PTPRM: variants seen among roughly 807,000 people sequenced by gnomAD.
PTPRM encodes the protein receptor-type tyrosine-protein phosphatase mu.
Under a neutral mutation model 186.7 loss-of-function variants are expected in PTPRM, and 47 were observed. That is an observed-to-expected ratio of 0.25 (90% CI 0.20 to 0.32). The LOEUF (loss-of-function observed/expected upper bound fraction) is 0.32, where lower values mean the gene tolerates loss of function less well. PTPRM is among the 10% of genes least tolerant of loss of function. PTPRM has a pLI of 1.00. For missense variants in PTPRM, 1,494 were observed against 1,865.0 expected, an observed-to-expected ratio of 0.80 and a Z score of 3.66; for synonymous variants, 668 against 674.9, an observed-to-expected ratio of 0.99 and a Z score of 0.16.
intron 7 of PTPRM, among the ~76,000 whole-genome samples, chr18:8,040,244 A>G (rs2086607709): frequency 6.6e-6 from 1 of 152,160 alleles, no homozygotes; most frequent in South Asian, 2.1e-4. Flanking sequence ...ATGTGCAGCC[A>G]AGCATGAAGC....
At chr18:8,246,253 T>G (rs117585640) in intron 15 of PTPRM, among the ~76,000 whole-genome samples, 1 of 152,196 alleles carries the variant, frequency 6.6e-6, no homozygotes, top group Non-Finnish European at 1.5e-5. Context: ...GCATGAGCTC[T>G]TTCAGGGTTG....
chr18:8,150,854 G>A (rs1437599120), intron 14 of PTPRM, among the ~76,000 whole-genome samples: 2 of 152,164 alleles, frequency 1.3e-5, no homozygotes, highest in Non-Finnish European at 2.9e-5. Context: ...ATTCCTTTCT[G>A]TTTGTTAGTT....
At chr18:8,105,472 A>AGAT (rs2091473979) in intron 11 of PTPRM, among the ~76,000 whole-genome samples, 1 of 152,236 alleles carries the variant, frequency 6.6e-6, no homozygotes, top group African/African-American at 2.4e-5. Context: ...TGGCAGAGGA[A>AGAT]GATAATAATA....
chr18:7,837,325 T>G (rs1055042284), intron 2 of PTPRM, among the ~76,000 whole-genome samples: 2 of 152,234 alleles, frequency 1.3e-5, no homozygotes, highest in Non-Finnish European at 2.9e-5. Context: ...GTATGCTAAT[T>G]GAGTTTTTCA....
Position 8,406,773 on chromosome 18 carries a change from G to GAATATAA in PTPRM, c.*612_*613insATATAAA, listed in dbSNP as rs2095908288. 6.6e-6 allele frequency: 1 copy of GAATATAA among 152,182 alleles called. No individual in the cohort carries two copies. The highest frequency in any genetic ancestry group is 1.5e-5 in the Non-Finnish European group (1 of 68,044). The allele number at this position is 152,182 out of a possible 1,614,324, so 9.4% of individuals were successfully genotyped here. On this transcript the variant is annotated 3_prime_UTR_variant, in exon 33 of 33. Coordinates refer to ENST00000580170, the MANE Select transcript of PTPRM (RefSeq NM_001105244.2). The stretch of plus-strand genomic sequence containing the variant: ...GCAAAACTCAACGATCAGATTCACG[G>GAATATAA]ACCCAGAGCTTTTCCATGTGTTTAT...
intron 14 of PTPRM, among the ~76,000 whole-genome samples, chr18:8,190,065 T>C (rs1052873303): frequency 3.3e-5 from 5 of 152,198 alleles, no homozygotes; most frequent in African/African-American, 1.2e-4. Flanking sequence ...ATATAATGTT[T>C]TGATATATGT....
At chr18:7,903,714 C>T (rs963526196) in intron 3 of PTPRM, among the ~76,000 whole-genome samples, 13 of 152,230 alleles carry the variant, frequency 8.5e-5, no homozygotes, top group African/African-American at 2.4e-4. Flanking sequence ...CTTTCCTCTC[C>T]GCTGTGTTAT....
intron 5 of PTPRM, among the ~76,000 whole-genome samples, chr18:7,944,439 T>C (rs1221818600): frequency 6.6e-6 from 1 of 152,212 alleles, no homozygotes; most frequent in East Asian, 1.9e-4. Context: ...TCCAGTCCAT[T>C]ACTGTACACA....
chr18:8,354,351 A>C (rs767726324), intron 23 of PTPRM, among the ~76,000 whole-genome samples: 11 of 152,180 alleles, frequency 7.2e-5, no homozygotes, highest in Non-Finnish European at 1.3e-4. Context: ...CGGGAGGAAC[A>C]GCTGGGATGG....
intron 14 of PTPRM, among the ~76,000 whole-genome samples, chr18:8,194,514 C>T (rs1361078666): frequency 6.6e-6 from 1 of 152,216 alleles, no homozygotes; most frequent in African/African-American, 2.4e-5. Context: ...ACCCTGAAAT[C>T]CACACTGGAA....
intron 3 of PTPRM, among the ~76,000 whole-genome samples, chr18:7,900,573 A>G (rs1165731338): frequency 6.6e-6 from 1 of 152,094 alleles, no homozygotes; most frequent in Non-Finnish European, 1.5e-5. Flanking sequence ...ATATATATGT[A>G]TGTAAAGGTA....
intron 1 of PTPRM, among the ~76,000 whole-genome samples, chr18:7,772,333 TTTTCTTTCTTTCTTTCTCTTTC>T (rs1199174171): frequency 1.8e-3 from 255 of 145,536 alleles, no homozygotes; most frequent in Middle Eastern, 3.4e-3. Flanking sequence ...TCGTTCTTTC[TTTTCTTTCTTTCTTTCTCTTTC>T]TTTCTTTCTT....
chr18:8,002,158 T>G (rs2083913878), intron 7 of PTPRM, among the ~76,000 whole-genome samples: 1 of 152,180 alleles, frequency 6.6e-6, no homozygotes, highest in Non-Finnish European at 1.5e-5. Flanking sequence ...AGAAAATGCA[T>G]CTGGAAAGAG....
chr18:8,182,940 G>A (rs2093596082), intron 14 of PTPRM, among the ~76,000 whole-genome samples: 1 of 152,162 alleles, frequency 6.6e-6, no homozygotes, highest in Admixed American at 6.5e-5. Context: ...GGAGAACAGT[G>A]CTCTATGTGC....
chr18:7,676,700 C>G (rs918447405), intron 1 of PTPRM, among the ~76,000 whole-genome samples: 1 of 151,496 alleles, frequency 6.6e-6, no homozygotes, highest in Non-Finnish European at 1.5e-5. Context: ...CGCGTGCACG[C>G]GCACGCGCAT....
chr18:7,641,383 GAGAC>G (rs1338821655), intron 1 of PTPRM, among the ~76,000 whole-genome samples: 2 of 152,154 alleles, frequency 1.3e-5, no homozygotes, highest in Non-Finnish European at 2.9e-5. Flanking sequence ...AGGAGAAAGA[GAGAC>G]AGGAAAGGAC....
At chr18:7,663,761 G>T (rs984979869) in intron 1 of PTPRM, among the ~76,000 whole-genome samples, 8 of 152,204 alleles carry the variant, frequency 5.3e-5, no homozygotes, top group Admixed American at 1.3e-4. Context: ...ACATGTCGTG[G>T]TGTTTTCATT....
intron 1 of PTPRM, among the ~76,000 whole-genome samples, chr18:7,762,362 A>G (rs1437859301): frequency 6.6e-6 from 1 of 152,000 alleles, no homozygotes; most frequent in African/African-American, 2.4e-5. Flanking sequence ...AGGTGCAGGG[A>G]CCGCATGAGC....
chr18:8,222,993 C>T (rs909543575), intron 14 of PTPRM, among the ~76,000 whole-genome samples: 16 of 152,080 alleles, frequency 1.1e-4, no homozygotes, highest in Non-Finnish European at 1.5e-5. Context: ...GAGGCTGAGA[C>T]GGGCAGATCA....
Sources: gnomAD v4.1 joint callset for allele counts (sites outside exome capture counted in the v4.1 genomes callset) on GRCh38, gnomAD v4.1.1 for gene constraint, MANE v1.5 for transcripts, NCBI Gene and HGNC (gene_info 2026-07-23, HGNC 2026-07-21) for gene names.